Variants in ATP11A observed in about 807,000 individuals in gnomAD.
ATP11A encodes ATPase phospholipid transporting 11A.
ATP11A carries 81 observed loss-of-function variants against 154.4 expected under a neutral mutation model. The ratio of observed to expected loss-of-function variants is 0.52; its 90% CI spans 0.44 to 0.63. The LOEUF (loss-of-function observed/expected upper bound fraction) is 0.63. ATP11A is among the 30% of genes least tolerant of loss of function. ATP11A has a pLI of 0.00. For synonymous variants in ATP11A, 623 were observed against 585.9 expected (o/e 1.06, Z -0.91); for missense variants, 1,316 against 1,474.3 (o/e 0.89, Z 1.76).
chr13:112,805,310 CAG>C (rs2078290196), intron 3 of ATP11A, among the ~76,000 whole-genome samples: 1 of 152,198 alleles, frequency 6.6e-6, no homozygotes, highest in Admixed American at 6.5e-5. Flanking sequence ...GAGGGGAAAT[CAG>C]AGCTTTGTCA....
chr13:112,860,426 C>T lies in ATP11A; in HGVS notation c.2855+12C>T. ...CCGACCCTGTACAGGTACCATCCTC[C>T]AAACAGCCTCTCCTGAGAGCAGAGA... is the stretch of plus-strand genomic sequence containing the variant. On this transcript the variant is annotated intron_variant, in intron 24 of 29. Transcript: ENST00000375645. 1 of 1,613,924 alleles carries T rather than the reference C, an allele frequency of 6.2e-7. No individual in the cohort carries two copies. Among genetic ancestry groups the T allele is most frequent in the Non-Finnish European group, 8.5e-7 (1 of 1,179,882 alleles).
At chr13:112,770,734 G>A (rs746699297) in intron 1 of ATP11A, among the ~76,000 whole-genome samples, 1 of 152,230 alleles carries the variant, frequency 6.6e-6, no homozygotes, top group Non-Finnish European at 1.5e-5. Context: ...ACTGAGAGAC[G>A]GGGGAGGCAC....
chr13:112,728,335 C>T (rs1450820883), intron 1 of ATP11A, among the ~76,000 whole-genome samples: 1 of 151,382 alleles, frequency 6.6e-6, no homozygotes, highest in South Asian at 2.1e-4. Context: ...GCCCGCCTCC[C>T]TGTGTTACCT....
At chr13:112,747,960 C>A (rs1892372760) in intron 1 of ATP11A, among the ~76,000 whole-genome samples, 1 of 152,138 alleles carries the variant, frequency 6.6e-6, no homozygotes, top group African/African-American at 2.4e-5. Flanking sequence ...ATCCAAAATG[C>A]CCAAAAATCT....
At chr13:112,834,085 G>A (rs959992261) in intron 14 of ATP11A, among the ~76,000 whole-genome samples, 5 of 152,246 alleles carry the variant, frequency 3.3e-5, no homozygotes, top group Admixed American at 1.3e-4. Context: ...CCCCAGGCGT[G>A]CAGGAGGAGG....
chr13:112,776,982 C>T (rs898850058), intron 1 of ATP11A, among the ~76,000 whole-genome samples: 2 of 152,222 alleles, frequency 1.3e-5, no homozygotes, highest in African/African-American at 4.8e-5. Flanking sequence ...GAGAGTGTCG[C>T]ATCGTAGATC....
At chr13:112,867,455 T>C (rs1281373963) in intron 25 of ATP11A, among the ~76,000 whole-genome samples, 3 of 152,154 alleles carry the variant, frequency 2.0e-5, no homozygotes, top group Admixed American at 2.0e-4. Context: ...GGCGCCACTG[T>C]CCTAGGAGGG....
At chr13:112,698,389 T>G (rs1429804693) in intron 1 of ATP11A, among the ~76,000 whole-genome samples, 1 of 152,228 alleles carries the variant, frequency 6.6e-6, no homozygotes, top group Non-Finnish European at 1.5e-5. Flanking sequence ...GCTGAGTTGT[T>G]TTTGCGAGTT....
chr13:112,766,797 G>GT (rs1566449716), intron 1 of ATP11A, among the ~76,000 whole-genome samples: 2 of 71,150 alleles, frequency 2.8e-5, no homozygotes, highest in Non-Finnish European at 2.7e-5. Context: ...AGGATGTGGG[G>GT]GCGTTGGGGG....
chr13:112,861,661 T>C (rs2080106575), intron 24 of ATP11A, among the ~76,000 whole-genome samples: 1 of 152,238 alleles, frequency 6.6e-6, no homozygotes, highest in African/African-American at 2.4e-5. Context: ...TATTTAGCCA[T>C]TCTGTGGGAT....
intron 1 of ATP11A, among the ~76,000 whole-genome samples, chr13:112,713,350 A>C (rs948307731): frequency 1.3e-5 from 2 of 152,170 alleles, no homozygotes; most frequent in Non-Finnish European, 2.9e-5. Context: ...AGCCAAGATC[A>C]TGCCATTGCA....
chr13:112,805,728 C>T (rs1023152267), intron 3 of ATP11A, among the ~76,000 whole-genome samples: 1 of 138,036 alleles, frequency 7.2e-6, no homozygotes, highest in African/African-American at 2.7e-5. Flanking sequence ...AAAGACAGTA[C>T]ACATGAAAAG....
At chr13:112,797,284 C>G (rs1483051026) in intron 2 of ATP11A, among the ~76,000 whole-genome samples, 2 of 36,284 alleles carry the variant, frequency 5.5e-5, no homozygotes, top group African/African-American at 2.3e-4. Flanking sequence ...AACTCCATCT[C>G]AAAAAAAAAA....
chr13:112,791,186 G>C (rs2077844175), intron 2 of ATP11A, among the ~76,000 whole-genome samples: 2 of 152,230 alleles, frequency 1.3e-5, no homozygotes, highest in South Asian at 4.1e-4. Context: ...CAGCCCAGAG[G>C]TACAGAGAGG....
intron 1 of ATP11A, among the ~76,000 whole-genome samples, chr13:112,718,547 C>T (rs1888768294): frequency 6.6e-6 from 1 of 152,322 alleles, no homozygotes; most frequent in Admixed American, 6.5e-5. Flanking sequence ...GATGGGAACC[C>T]GCAGAGGCAG....
At chr13:112,839,559 C>T (rs1414567534) in intron 16 of ATP11A, among the ~76,000 whole-genome samples, 1 of 152,212 alleles carries the variant, frequency 6.6e-6, no homozygotes, top group Non-Finnish European at 1.5e-5. Context: ...CCAGAGGGGA[C>T]AGCCACCAAC....
Position 112,885,408 on chromosome 13 carries a change from T to C in ATP11A, c.*3542T>C, listed in dbSNP as rs1233142296. ...CCTCCTGCACACGTGCACATTCATGTGTACACCACAAATGAGTTCCCAGAC... is the reference window on the plus strand; with the variant it reads ...CCTCCTGCACACGTGCACATTCATGCGTACACCACAAATGAGTTCCCAGAC... On this transcript the variant is annotated 3_prime_UTR_variant, in exon 30 of 30. Transcript: ENST00000375645. The C allele has an allele frequency of 6.6e-6, 1 of 152,236 alleles. No homozygotes were observed. The highest frequency in any genetic ancestry group is 6.5e-5 in the Admixed American group (1 of 15,284). The allele number at this position is 152,236 out of a possible 1,614,324, so 9.4% of individuals were successfully genotyped here. A position where few individuals can be genotyped will look rare whatever the true frequency, so the allele number is the denominator to read the frequency against.
chr13:112,853,854 T>C (rs530501008), intron 18 of ATP11A, among the ~76,000 whole-genome samples: 2 of 152,308 alleles, frequency 1.3e-5, no homozygotes, highest in African/African-American at 2.4e-5. Flanking sequence ...GAACAGTTTA[T>C]ACAAAACAAA....
chr13:112,836,213 T>G lies in ATP11A; in HGVS notation c.1667T>G (p.Val556Gly). The G allele has an allele frequency of 6.2e-7, 1 of 1,612,734 alleles. No homozygotes were observed. The highest frequency in any genetic ancestry group is 8.5e-7 in the Non-Finnish European group (1 of 1,179,218). The change falls in exon 16 of 30, where the codon GTC becomes GGC. Residue 556 changes from valine (V) to glycine (G), a missense_variant. Val to Gly is a moderately radical substitution (Grantham distance 109). This residue lies in a region of ATP11A where 876 missense variants were observed against 1,006.8 expected (regional missense o/e 0.87). Transcript: ENST00000375645. The part of the protein sequence containing the change: ...ELLEILSFDS[V>G]RRRMSVIVKS... ...CTGGAAATTTTGAGTTTTGACTCAG[T>G]CAGAAGGAGAATGAGTGTAATTGTA...
Sources: allele counts gnomAD v4.1 joint callset (sites outside exome capture counted in the v4.1 genomes callset), GRCh38; gene constraint gnomAD v4.1.1; regional missense constraint gnomAD v4.1.1; transcripts MANE v1.5; gene names NCBI Gene and HGNC (gene_info 2026-07-23, HGNC 2026-07-21).